The following IKBKB variants were observed in gnomAD, a reference collection of about 807,000 sequenced individuals.
IKBKB encodes the protein inhibitor of nuclear factor kappa B kinase subunit beta, also known as inhibitor of nuclear factor kappa-B kinase subunit beta.
A neutral mutation model predicts 113.6 loss-of-function variants in IKBKB; 42 were observed. The observed-to-expected ratio is 0.37, with a 90% confidence interval of 0.29 to 0.48. The LOEUF (loss-of-function observed/expected upper bound fraction) is 0.48. Ranked by LOEUF, IKBKB falls within the 20% of genes least tolerant of loss-of-function variation. The probability of loss-of-function intolerance (pLI) is 0.99; values close to 1 mark genes in which losing one functional copy is unlikely to be tolerated. For missense variants in IKBKB, 673 were observed against 939.7 expected, an observed-to-expected ratio of 0.72 and a Z score of 3.71; for synonymous variants, 296 against 361.3, an observed-to-expected ratio of 0.82 and a Z score of 2.05.
At position 42,283,344 on chromosome 8, in the gene IKBKB, T is replaced by A. The variant is rs145402306; in HGVS notation, c.106-5290T>A. Among the ~76,000 whole-genome samples, 541 of 152,288 alleles carry A rather than the reference T, an allele frequency of 3.6e-3. 5 individuals carry two copies. Among genetic ancestry groups the A allele is most frequent in the African/African-American group, 0.012 (512 of 41,580 alleles). On this transcript the variant is annotated intron_variant, in intron 2 of 21. Transcript: ENST00000520810. ...AAATCTGGATCCTAATCCCTGAACC[T>A]ATGACTGGGTGGGGCAGCATGGCAA...
intron 11 of IKBKB, 131 bp downstream of exon 11, chr8:42,317,035 GT>G: frequency 1.1e-6 from 1 of 897,498 alleles, no homozygotes; most frequent in Non-Finnish European, 1.8e-6. Context: ...TACCTGGCTG[GT>G]TTTTAAGTTG....
At chr8:42,311,031 A>G (rs1362648207) in intron 8 of IKBKB, among the ~76,000 whole-genome samples, 3 of 152,226 alleles carry the variant, frequency 2.0e-5, no homozygotes, top group Admixed American at 2.0e-4. Flanking sequence ...GATAATACCT[A>G]GAAAGGGAAA....
At chr8:42,315,968 G>C (rs770697177) in intron 9 of IKBKB, among the ~76,000 whole-genome samples, 27 of 152,148 alleles carry the variant, frequency 1.8e-4, no homozygotes, top group Non-Finnish European at 2.9e-4. Flanking sequence ...CGGCTCTCAT[G>C]GGTCATTCTT....
intron 19 of IKBKB, among the ~76,000 whole-genome samples, chr8:42,322,775 G>A (rs968849471): frequency 3.9e-5 from 6 of 152,184 alleles, no homozygotes; most frequent in African/African-American, 1.4e-4. Context: ...TTTGGGCTAG[G>A]CATGGTGACT....
At chr8:42,272,286 G>A (rs780212588) in intron 2 of IKBKB, 81 bp downstream of exon 2, 2 of 1,591,604 alleles carry the variant, frequency 1.3e-6, no homozygotes, top group African/African-American at 1.3e-5. Context: ...ATCCTGCTGG[G>A]CCAAGGGCTC....
chr8:42,277,584 C>T (rs1809441359), intron 2 of IKBKB, among the ~76,000 whole-genome samples: 1 of 152,352 alleles, frequency 6.6e-6, no homozygotes, highest in East Asian at 1.9e-4. Context: ...CATTCCTCCC[C>T]TTGGCTGCCT....
At position 42,316,974 on chromosome 8, in the gene IKBKB, T is replaced by C; in HGVS notation, c.1125+70T>C. 1 of 1,396,550 alleles carries C rather than the reference T, an allele frequency of 7.2e-7. No homozygotes were observed. The highest frequency in any genetic ancestry group is 1.0e-6 in the Non-Finnish European group (1 of 998,146). The allele number at this position is 1,396,550 out of a possible 1,614,324, so 86.5% of individuals were successfully genotyped here. ...GCCTCCTGGGAAACTCAACACACTT[T>C]CAGATTTCAATTCTGCTTTGTCATG... On this transcript the variant is annotated intron_variant, in intron 11 of 21. Coordinates refer to ENST00000520810, the MANE Select transcript of IKBKB (RefSeq NM_001556.3). The surrounding 1 kb of genome is among the most constrained non-coding windows in gnomAD (Gnocchi z 4.5).
rs200416995 is a variant in IKBKB at position 42,308,979 on chromosome 8, A to G, written c.646A>G (p.Ile216Val). ...CTTCGGCACCCTGGCCTTTGAGTGC[A>G]TCACGGGCTTCCGGCCCTTCCTCCC... The part of the protein sequence containing the change: ...WSFGTLAFEC[I>V]TGFRPFLPNW... The change falls in exon 8 of 22, where the codon ATC becomes GTC. Residue 216 changes from isoleucine (I) to valine (V), a missense_variant. Transcript: ENST00000520810. The G allele has an allele frequency of 1.9e-6, 3 of 1,614,202 alleles. No homozygotes were observed. The highest frequency in any genetic ancestry group is 1.6e-4 in the Middle Eastern group (1 of 6,062).
At chr8:42,315,016 G>A (rs1334502499) in intron 9 of IKBKB, among the ~76,000 whole-genome samples, 2 of 152,066 alleles carry the variant, frequency 1.3e-5, no homozygotes, top group South Asian at 2.1e-4. Flanking sequence ...ATTCGGTTTT[G>A]CATAGGGTTT....
intron 16 of IKBKB, 84 bp from the exon 17 acceptor site, chr8:42,321,812 G>A (rs545132064): frequency 2.1e-6 from 2 of 964,522 alleles, no homozygotes; most frequent in Admixed American, 2.6e-5. Flanking sequence ...GGGCAACATG[G>A]TGAAACTCTA....
chr8:42,277,459 AG>A (rs1429249111), intron 2 of IKBKB, among the ~76,000 whole-genome samples: 1 of 152,132 alleles, frequency 6.6e-6, no homozygotes, highest in Non-Finnish European at 1.5e-5. Context: ...TTGGGATTAC[AG>A]GCATGAGTCA....
At chr8:42,310,981 A>T in intron 8 of IKBKB, among the ~76,000 whole-genome samples, 1 of 152,266 alleles carries the variant, frequency 6.6e-6, no homozygotes, top group East Asian at 1.9e-4. Context: ...CAAGAATAAC[A>T]TCCTTGTAGG....
At chr8:42,322,760 A>T (rs1642575366) in intron 19 of IKBKB, among the ~76,000 whole-genome samples, 1 of 152,200 alleles carries the variant, frequency 6.6e-6, no homozygotes, top group South Asian at 2.1e-4. Context: ...CTAAAACAAC[A>T]GAAATTTGGG....
intron 6 of IKBKB, among the ~76,000 whole-genome samples, chr8:42,306,027 T>A (rs1585700405): frequency 6.6e-6 from 1 of 152,232 alleles, no homozygotes; most frequent in South Asian, 2.1e-4. Flanking sequence ...GCTGGCCCGG[T>A]CCTTCCTGTT....
At chr8:42,320,027 T>G (rs188557826) in intron 15 of IKBKB, 1 of 188,748 alleles carries the variant, frequency 5.3e-6, no homozygotes, top group African/African-American at 2.3e-5. Flanking sequence ...AAATAAAAGG[T>G]CTAGGCAGAA....
At chr8:42,313,603 A>G (rs1818139615) in intron 8 of IKBKB, among the ~76,000 whole-genome samples, 1 of 152,218 alleles carries the variant, frequency 6.6e-6, no homozygotes, top group Non-Finnish European at 1.5e-5. Context: ...TGTCGTATGC[A>G]TGCTGTAATC....
At chr8:42,330,282 T>C (rs1304116585) in intron 21 of IKBKB, 1 of 984,446 alleles carries the variant, frequency 1.0e-6, no homozygotes, top group Admixed American at 6.1e-5. Context: ...ATATGTAACT[T>C]AGCTTAAGAG....
At chr8:42,308,487 G>A (rs908802475) in intron 7 of IKBKB, among the ~76,000 whole-genome samples, 1 of 151,826 alleles carries the variant, frequency 6.6e-6, no homozygotes, top group Non-Finnish European at 1.5e-5. Context: ...TAGTAGAGAC[G>A]GGGTTTCACC....
chr8:42,274,279 C>G (rs1347813486), intron 2 of IKBKB, among the ~76,000 whole-genome samples: 2 of 152,304 alleles, frequency 1.3e-5, no homozygotes, highest in East Asian at 3.9e-4. Flanking sequence ...ATCTGCCCAC[C>G]TCAGCCACCC....
Sources: gnomAD v4.1 joint callset for allele counts (sites outside exome capture counted in the v4.1 genomes callset) on GRCh38, gnomAD v4.1.1 for gene constraint, Gnocchi (gnomAD v3.1) non-coding constraint, MANE v1.5 for transcripts, NCBI Gene and HGNC (gene_info 2026-07-23, HGNC 2026-07-21) for gene names.